WDR49: variants seen among roughly 807,000 people sequenced by gnomAD.
WDR49 encodes cilia- and flagella-associated protein 337.
A neutral mutation model predicts 119.5 loss-of-function variants in WDR49; 107 were observed. That is an observed-to-expected ratio of 0.90 (90% CI 0.77 to 1.05). The LOEUF (loss-of-function observed/expected upper bound fraction) is 1.05. Among genes scored for constraint, WDR49 ranks in the 50% least tolerant of loss-of-function variants. The pLI is 0.00. For missense variants in WDR49, 1,240 were observed against 1,220.5 expected, an observed-to-expected ratio of 1.02 and a Z score of -0.24; for synonymous variants, 425 against 418.8, an observed-to-expected ratio of 1.01 and a Z score of -0.18.
At position 167,546,220 on chromosome 3, in the gene WDR49, A is replaced by G. The variant is rs371180438; in HGVS notation, c.1823+8430T>C. Among the ~76,000 whole-genome samples, 64 of 152,048 alleles carry G rather than the reference A, an allele frequency of 4.2e-4. No homozygotes were observed. In the South Asian group the frequency reaches 9.1e-3, roughly 22 times the overall value. ...GGTATAGTCAGAGAATTAACACCAA[A>G]AGCACAAAATCTTTCTTATAACATG... On this transcript the variant is annotated intron_variant, in intron 10 of 18. Transcript: ENST00000682715.
At chr3:167,600,965 T>C (rs953893629) in intron 7 of WDR49, among the ~76,000 whole-genome samples, 6 of 152,112 alleles carry the variant, frequency 3.9e-5, no homozygotes, top group African/African-American at 1.4e-4. Flanking sequence ...AGTTCATATT[T>C]AAATAGAGGG....
chr3:167,600,970 AG>A (rs1253898429), intron 7 of WDR49, among the ~76,000 whole-genome samples: 1 of 152,206 alleles, frequency 6.6e-6, no homozygotes, highest in African/African-American at 2.4e-5. Context: ...ATATTTAAAT[AG>A]AGGGCAGAGA....
intron 5 of WDR49, among the ~76,000 whole-genome samples, chr3:167,607,000 T>C (rs531263798): frequency 9.2e-5 from 14 of 152,134 alleles, no homozygotes; most frequent in African/African-American, 3.4e-4. Context: ...AAAAATATGA[T>C]TGGAAAAAAG....
intron 10 of WDR49, among the ~76,000 whole-genome samples, chr3:167,537,980 C>G (rs1711565069): frequency 6.6e-6 from 1 of 152,080 alleles, no homozygotes; most frequent in Non-Finnish European, 1.5e-5. Context: ...CTCTTCCTGC[C>G]TCCTGATCTT....
intron 7 of WDR49, among the ~76,000 whole-genome samples, chr3:167,587,245 C>T (rs926086973): frequency 6.6e-6 from 1 of 152,098 alleles, no homozygotes; most frequent in African/African-American, 2.4e-5. Flanking sequence ...GTATCCAAAT[C>T]AGATTGTGTT....
At chr3:167,485,810 G>A (rs561855698) in intron 18 of WDR49, among the ~76,000 whole-genome samples, 107 of 152,124 alleles carry the variant, frequency 7.0e-4, no homozygotes, top group Middle Eastern at 3.4e-3. Context: ...GAGAAAATAA[G>A]CAACTTGGAA....
At chr3:167,528,396 C>A (rs1752713444) in intron 14 of WDR49, among the ~76,000 whole-genome samples, 1 of 151,896 alleles carries the variant, frequency 6.6e-6, no homozygotes, top group Non-Finnish European at 1.5e-5. Context: ...CCCAAACTAA[C>A]TCAGGGTAAC....
In WDR49 at chr3:167,505,314, T is replaced by C. The variant is rs1318747574; in HGVS notation, c.2877A>G (p.Lys959=). ...ACAACAGTGACTACTTACTGAATGATTTTTTTATAACTTCACCATAATAAG... is the reference window on the plus strand; with the variant it reads ...ACAACAGTGACTACTTACTGAATGACTTTTTTATAACTTCACCATAATAAG... ...QKPYYGEVIK[K]SFSTFRSLNI... is the part of the protein sequence containing the mutation. The change falls in exon 17 of 19, where the codon AAA becomes AAG. Residue 959 remains lysine, a synonymous_variant. Coordinates refer to ENST00000682715, the MANE Select transcript of WDR49 (RefSeq NM_001366157.1). 1.3e-6 allele frequency: 2 copies of C among 1,508,872 alleles called. No individual in the cohort carries two copies. The highest frequency in any genetic ancestry group is 1.8e-6 in the Non-Finnish European group (2 of 1,136,454). The allele number at this position is 1,508,872 out of a possible 1,614,324, so 93.5% of individuals were successfully genotyped here.
At chr3:167,546,164 G>T (rs986169035) in intron 10 of WDR49, among the ~76,000 whole-genome samples, 1 of 151,700 alleles carries the variant, frequency 6.6e-6, no homozygotes, top group African/African-American at 2.4e-5. Context: ...ATGTCTTTTT[G>T]CCAAGATACT....
intron 15 of WDR49, among the ~76,000 whole-genome samples, chr3:167,524,363 C>A (rs1400797867): frequency 6.6e-6 from 1 of 152,120 alleles, no homozygotes; most frequent in East Asian, 1.9e-4. Context: ...GTTGCCTGTT[C>A]ACCCTGATGA....
intron 7 of WDR49, among the ~76,000 whole-genome samples, chr3:167,597,686 G>A (rs1038972736): frequency 1.3e-5 from 2 of 152,180 alleles, no homozygotes; most frequent in African/African-American, 2.4e-5. Flanking sequence ...CCTTGCTTTA[G>A]CATGCCCTGT....
intron 15 of WDR49, among the ~76,000 whole-genome samples, chr3:167,523,755 A>T (rs1322201300): frequency 2.0e-5 from 3 of 152,098 alleles, no homozygotes; most frequent in Non-Finnish European, 4.4e-5. Flanking sequence ...GTAGTATTCC[A>T]TGGTTTATAT....
At chr3:167,514,725 T>C (rs1247512108) in intron 16 of WDR49, among the ~76,000 whole-genome samples, 1 of 145,114 alleles carries the variant, frequency 6.9e-6, no homozygotes, top group East Asian at 2.0e-4. Flanking sequence ...ATTAAGAAAA[T>C]AGATAGATTG....
intron 5 of WDR49, among the ~76,000 whole-genome samples, chr3:167,614,108 G>A (rs1716483337): frequency 6.6e-6 from 1 of 151,832 alleles, no homozygotes; most frequent in Non-Finnish European, 1.5e-5. Flanking sequence ...CCCCTCCTGC[G>A]TCCCGCGATG....
chr3:167,546,657 T>A (rs1712220881), intron 10 of WDR49, among the ~76,000 whole-genome samples: 1 of 147,774 alleles, frequency 6.8e-6, no homozygotes, highest in Non-Finnish European at 1.5e-5. Flanking sequence ...GACAACCAAT[T>A]ATGTGAGAAC....
At chr3:167,518,851 G>A (rs1752318534) in intron 16 of WDR49, among the ~76,000 whole-genome samples, 1 of 150,944 alleles carries the variant, frequency 6.6e-6, no homozygotes, top group Admixed American at 6.6e-5. Flanking sequence ...TTACAGAATG[G>A]GTGAAAATTT....
rs143954301 is a variant in WDR49, at chr3:167,489,603, T to G, written c.3031+10550A>C. ...AGGAAAGATGTGGTGGTCAGGAAAG[T>G]ATCCAAAACATTTTTTCTATAATAA... On this transcript the variant is annotated intron_variant, in intron 18 of 18. Transcript: ENST00000682715. Among the ~76,000 whole-genome samples the G allele has an allele frequency of 1.3e-3, 199 of 152,260 alleles. 4 individuals carry two copies. The East Asian group carries it at 0.035, about 27-fold the overall frequency.
intron 5 of WDR49, among the ~76,000 whole-genome samples, chr3:167,614,973 TC>T (rs1716525629): frequency 6.6e-6 from 1 of 152,148 alleles, no homozygotes; most frequent in Non-Finnish European, 1.5e-5. Context: ...CAACTACAAA[TC>T]CCATATATTA....
chr3:167,650,001 G>A (rs1024353802), intron 2 of WDR49, among the ~76,000 whole-genome samples: 5 of 152,058 alleles, frequency 3.3e-5, no homozygotes, highest in South Asian at 2.1e-4. Flanking sequence ...CAGACCAAAC[G>A]GGCAGCAATT....
Sources: allele counts gnomAD v4.1 joint callset (sites outside exome capture counted in the v4.1 genomes callset), GRCh38; gene constraint gnomAD v4.1.1; transcripts MANE v1.5; gene names NCBI Gene and HGNC (gene_info 2026-07-23, HGNC 2026-07-21).